The following LRP1 variants were observed in gnomAD, a reference collection of about 807,000 sequenced individuals.
LRP1 encodes LDL receptor related protein 1.
LRP1 carries 51 observed loss-of-function variants against 541.5 expected under a neutral mutation model. The ratio of observed to expected loss-of-function variants is 0.09; its 90% CI spans 0.08 to 0.12. The LOEUF (loss-of-function observed/expected upper bound fraction) is 0.12. Among genes scored for constraint, LRP1 ranks in the 10% least tolerant of loss-of-function variants. The pLI is 1.00. For synonymous variants in LRP1, 2,219 were observed against 2,470.8 expected (o/e 0.90, Z 3.02); for missense variants, 3,878 against 6,376.2 (o/e 0.61, Z 13.34).
intron 3 of LRP1, among the ~76,000 whole-genome samples, chr12:57,142,969 G>A (rs1284804171): frequency 6.6e-6 from 1 of 152,088 alleles, no homozygotes; most frequent in Non-Finnish European, 1.5e-5. Context: ...GGACAAAGGG[G>A]TCTTTGTGGC....
At chr12:57,145,126 G>A (rs1220818561) in intron 5 of LRP1, 26 bp downstream of exon 5, 1 of 1,613,834 alleles carries the variant, frequency 6.2e-7, no homozygotes, top group Non-Finnish European at 8.5e-7. Context: ...TCTGGCCACA[G>A]TGCTAACTAA....
rs1373358157 is a variant in LRP1 at position 57,165,054 on chromosome 12, A to T, written c.2531-751A>T. 6.6e-6 allele frequency: 1 copy of T among 152,350 alleles called. No homozygotes were observed. The highest frequency in any genetic ancestry group is 2.4e-5 in the African/African-American group (1 of 41,426). The allele number at this position is 152,350 out of a possible 1,614,324, so 9.4% of individuals were successfully genotyped here. On this transcript the variant is annotated intron_variant, in intron 15 of 88. Transcript: ENST00000243077. This position sits in a 1 kb window ranked among gnomAD's most constrained non-coding sequence, Gnocchi z 4.5. ...AGAAGCATGATGTAAGGGGAAGAACAGTCCAGGGAACAGCAGTGAGGAGCA... is the reference window on the plus strand; with the variant it reads ...AGAAGCATGATGTAAGGGGAAGAACTGTCCAGGGAACAGCAGTGAGGAGCA...
chr12:57,175,454 C>G lies in LRP1; in HGVS notation c.3548-6C>G. 1 of 1,612,624 alleles carries G rather than the reference C, an allele frequency of 6.2e-7. No individual in the cohort carries two copies. ...TGGGTCTGTTCCATGCCTGCCCCTC[C>G]CCTAGACCAGTGCTCTCTGAATAAC... On this transcript the variant is annotated splice_region_variant and splice_polypyrimidine_tract_variant and intron_variant, in intron 22 of 88. Coordinates refer to ENST00000243077, the MANE Select transcript of LRP1 (RefSeq NM_002332.3).
chr12:57,202,547 C>CCCCCCCCCCCCCCCCCCCT lies in LRP1; in HGVS notation c.10711+10_10711+11insCCCCCCCCCCCCCCCCCCT. On this transcript the variant is annotated intron_variant, in intron 68 of 88. Coordinates refer to ENST00000243077, the MANE Select transcript of LRP1 (RefSeq NM_002332.3). ...GATGAAGAGAGCTGCAGTACGTCCC[C>CCCCCCCCCCCCCCCCCCCT]ACCCACCCAGCCCCGCATGAGCCCC... 1.7e-6 allele frequency: 2 copies of CCCCCCCCCCCCCCCCCCCT among 1,181,112 alleles called. No individual in the cohort carries two copies. Among genetic ancestry groups the CCCCCCCCCCCCCCCCCCCT allele is most frequent in the South Asian group, 1.3e-5 (1 of 77,744 alleles). 73.2% of individuals were successfully genotyped at this position (1,181,112 alleles called of 1,614,324 possible). A position where few individuals can be genotyped will look rare whatever the true frequency, so the allele number is the denominator to read the frequency against.
At position 57,183,703 on chromosome 12, in the gene LRP1, C is replaced by T; in HGVS notation, c.5795-72C>T. ...GCACTCTCTCACCTCTGTCTTGAGC[C>T]TTGTGAGATTTTGACCCCTCACCTT... On this transcript the variant is annotated intron_variant, in intron 35 of 88. Coordinates refer to ENST00000243077, the MANE Select transcript of LRP1 (RefSeq NM_002332.3). This position sits in a 1 kb window ranked among gnomAD's most constrained non-coding sequence, Gnocchi z 6.1. The T allele has an allele frequency of 6.3e-7, 1 of 1,589,784 alleles. No homozygotes were observed. The highest frequency in any genetic ancestry group is 8.6e-7 in the Non-Finnish European group (1 of 1,165,636).
At chr12:57,131,030 T>C (rs2035027653) in intron 1 of LRP1, among the ~76,000 whole-genome samples, 1 of 152,172 alleles carries the variant, frequency 6.6e-6, no homozygotes, top group South Asian at 2.1e-4. Context: ...TAAGTTCAAC[T>C]CTATCCAGAG....
At position 57,206,811 on chromosome 12, in the gene LRP1, A is replaced by C. The variant is rs2036790179; in HGVS notation, c.11859+70A>C. 3 of 1,554,130 alleles carry C rather than the reference A, an allele frequency of 1.9e-6. No homozygotes were observed. The East Asian group carries it at 6.8e-5, about 35-fold the overall frequency. On this transcript the variant is annotated intron_variant, in intron 76 of 88. Coordinates refer to ENST00000243077, the MANE Select transcript of LRP1 (RefSeq NM_002332.3). The surrounding 1 kb of genome is among the most constrained non-coding windows in gnomAD (Gnocchi z 4.7). ...AGCAGGCGGTTCAGAGCAGGATTTG[A>C]AAAGGGCAGTGCTGGCTAGGCGCAG...
At chr12:57,132,417 A>C (rs1277240927) in intron 1 of LRP1, among the ~76,000 whole-genome samples, 1 of 152,048 alleles carries the variant, frequency 6.6e-6, no homozygotes, top group Non-Finnish European at 1.5e-5. Context: ...CAGGGGTGGT[A>C]GTGGTCCCTA....
intron 1 of LRP1, among the ~76,000 whole-genome samples, chr12:57,135,973 C>A (rs903747116): frequency 1.3e-5 from 2 of 152,200 alleles, no homozygotes; most frequent in Non-Finnish European, 2.9e-5. Flanking sequence ...AGGGCATGGA[C>A]CAAGTCCCAG....
At position 57,192,932 on chromosome 12, in the gene LRP1, G is replaced by A. The variant is rs201669141; in HGVS notation, c.7517G>A (p.Arg2506Gln). The part of the protein sequence containing the change: ...THQGHVNCSC[R>Q]GGRILQDDLT... Reference sequence around the variant, plus strand: ...CAGGGCCATGTCAACTGCTCATGCCGAGGGGGCCGAATCCTCCAGGATGAC... The same window carrying A: ...CAGGGCCATGTCAACTGCTCATGCCAAGGGGGCCGAATCCTCCAGGATGAC... The change falls in exon 45 of 89, where the codon CGA (arginine) becomes CAA (glutamine). Residue 2506 changes from arginine (R) to glutamine (Q), a missense_variant. Physicochemically the swap from Arg to Gln is conservative, Grantham distance 43. Transcript: ENST00000243077. 2.5e-6 allele frequency: 4 copies of A among 1,613,918 alleles called. No homozygotes were observed. The highest frequency in any genetic ancestry group is 1.7e-5 in the Admixed American group (1 of 60,022).
chr12:57,156,406 G>A lies in LRP1; in HGVS notation c.1417+123G>A, dbSNP rs573751402. ...CCCTGGCTTCTTTCATGTCATGACC[G>A]ATTCTCCTAGCCAGCCACTCGGGCT... On this transcript the variant is annotated intron_variant, in intron 9 of 88. Transcript: ENST00000243077. The surrounding 1 kb of genome is among the most constrained non-coding windows in gnomAD (Gnocchi z 5.2). 4.0e-4 allele frequency: 416 copies of A among 1,033,870 alleles called. 2 individuals carry two copies. The highest frequency in any genetic ancestry group is 2.2e-3 in the South Asian group (131 of 59,800). The allele number at this position is 1,033,870 out of a possible 1,614,324, so 64.0% of individuals were successfully genotyped here.
intron 1 of LRP1, among the ~76,000 whole-genome samples, chr12:57,135,409 T>C (rs1419805577): frequency 1.3e-5 from 2 of 152,166 alleles, no homozygotes; most frequent in African/African-American, 4.8e-5. Context: ...AAGCAGATTA[T>C]AAGGGTCCTA....
rs750442056 is a variant in LRP1, at chr12:57,173,142, T to C, written c.3164-26T>C. On this transcript the variant is annotated intron_variant, in intron 20 of 88. Transcript: ENST00000243077. The surrounding 1 kb of genome is among the most constrained non-coding windows in gnomAD (Gnocchi z 4.7). ...GCTGACCTGGGCAACCCCTCCCTCC[T>C]GAGGCCCTCCACTGTCCCTCTGCAG... is the stretch of plus-strand genomic sequence containing the variant. 6.3e-7 allele frequency: 1 copy of C among 1,577,066 alleles called. No individual in the cohort carries two copies. Among genetic ancestry groups the C allele is most frequent in the Non-Finnish European group, 8.6e-7 (1 of 1,159,230 alleles).
In LRP1 at chr12:57,193,454, G is replaced by T; in HGVS notation, c.7685-112G>T. The T allele has an allele frequency of 1.1e-5, 17 of 1,516,282 alleles. No homozygotes were observed. The South Asian group carries it at 2.0e-4, about 18-fold the overall frequency. The allele number at this position is 1,516,282 out of a possible 1,614,324, so 93.9% of individuals were successfully genotyped here. ...GAAGGGCAGAACCACTGTTAGCCTG[G>T]ACTGGGCCTTTGGGTTTGGGGGTGG... On this transcript the variant is annotated intron_variant, in intron 46 of 88. Coordinates refer to ENST00000243077, the MANE Select transcript of LRP1 (RefSeq NM_002332.3).
chr12:57,174,050 G>C, intron 22 of LRP1, 70 bp downstream of exon 22: 1 of 1,493,760 alleles, frequency 6.7e-7, no homozygotes, highest in Non-Finnish European at 9.1e-7. Flanking sequence ...GACAGTCTTT[G>C]GGGGACCTGA....
In LRP1 at chr12:57,173,721, A is replaced by G. The variant is rs2035988262; in HGVS notation, c.3347-59A>G. The G allele has an allele frequency of 6.4e-7, 1 of 1,565,392 alleles. No individual in the cohort carries two copies. The highest frequency in any genetic ancestry group is 1.7e-5 in the Admixed American group (1 of 59,932). On this transcript the variant is annotated intron_variant, in intron 21 of 88. Transcript: ENST00000243077. This position sits in a 1 kb window ranked among gnomAD's most constrained non-coding sequence, Gnocchi z 4.7. The stretch of plus-strand genomic sequence containing the variant: ...AGAGAAGCCCACAGGGTCTGGAAGG[A>G]AGGGCAGGGGGAGCCCCAGTCCCCG...
At chr12:57,194,758 TC>T (rs1366949662) in intron 50 of LRP1, 59 bp downstream of exon 50, 15 of 1,510,004 alleles carry the variant, frequency 9.9e-6, no homozygotes, top group Non-Finnish European at 1.1e-5. Context: ...CACTTCTTAG[TC>T]CCCCCCAGCA....
In LRP1 at chr12:57,211,967, G is replaced by A. The variant is rs1372569079; in HGVS notation, c.13299G>A (p.Leu4433=). The A allele has an allele frequency of 6.2e-7, 1 of 1,614,184 alleles. No individual in the cohort carries two copies. The highest frequency in any genetic ancestry group is 8.5e-7 in the Non-Finnish European group (1 of 1,180,038). The part of the protein sequence containing the change: ...SILIPLLLLL[L]LVLVAGVVFW... ...TAATCCCTCTGCTGTTGCTGCTGCT[G>A]CTGGTTCTGGTGGCCGGAGTGGTAT... The change falls in exon 87 of 89, where the codon CTG becomes CTA. Residue 4433 remains leucine, a synonymous_variant. Coordinates refer to ENST00000243077, the MANE Select transcript of LRP1 (RefSeq NM_002332.3). The surrounding 1 kb of genome is among the most constrained non-coding windows in gnomAD (Gnocchi z 4.3).
At position 57,161,109 on chromosome 12, in the gene LRP1, C is replaced by A; in HGVS notation, c.2196C>A (p.Asp732Glu). Residue 732 changes from aspartate to glutamate, a missense_variant, in exon 13 of 89, where the codon GAC (aspartate) becomes GAA (glutamate). Physicochemically the swap from Asp to Glu is conservative, Grantham distance 45. Around this residue, in one of 13 missense-constraint regions of LRP1, gnomAD observed 496 missense variants for 861.0 expected, o/e 0.58. Coordinates refer to ENST00000243077, the MANE Select transcript of LRP1 (RefSeq NM_002332.3). ...RIETILLNGT[D>E]RKIVYEGPEL... Reference sequence around the variant, plus strand: ...AGACGATACTGCTCAATGGCACAGACCGGAAGGTGGGCAGGCATGTGCCTG... The same window carrying A: ...AGACGATACTGCTCAATGGCACAGAACGGAAGGTGGGCAGGCATGTGCCTG... 6.2e-7 allele frequency: 1 copy of A among 1,612,652 alleles called. No individual in the cohort carries two copies. The highest frequency in any genetic ancestry group is 8.5e-7 in the Non-Finnish European group (1 of 1,179,918).
Sources: allele counts gnomAD v4.1 joint callset (sites outside exome capture counted in the v4.1 genomes callset), GRCh38; gene constraint gnomAD v4.1.1; regional missense constraint gnomAD v4.1.1; non-coding constraint Gnocchi (gnomAD v3.1); transcripts MANE v1.5; gene names NCBI Gene and HGNC (gene_info 2026-07-23, HGNC 2026-07-21).